The following USP47 variants were observed in gnomAD, a reference collection of about 807,000 sequenced individuals.
USP47 encodes ubiquitin carboxyl-terminal hydrolase 47.
In USP47, 35 loss-of-function variants were observed where a neutral mutation model predicts 165.1. That is an observed-to-expected ratio of 0.21 (90% CI 0.16 to 0.28). The LOEUF (loss-of-function observed/expected upper bound fraction) is 0.28. USP47 is among the 10% of genes least tolerant of loss of function. The pLI is 1.00. For synonymous variants in USP47, 531 were observed against 544.5 expected, an observed-to-expected ratio of 0.98 and a Z score of 0.35; for missense variants, 1,277 against 1,607.4, an observed-to-expected ratio of 0.79 and a Z score of 3.52.
At chr11:11,878,066 TATAAC>T (rs1275988457) in intron 1 of USP47, among the ~76,000 whole-genome samples, 1 of 152,100 alleles carries the variant, frequency 6.6e-6, no homozygotes, top group Non-Finnish European at 1.5e-5. Context: ...TTTTTTTCTG[TATAAC>T]ATATTTAGTC....
At position 11,871,501 on chromosome 11, in the gene USP47, C is replaced by CAAAAAAA. The variant is rs71037046; in HGVS notation, c.40-8645_40-8639dup. Among the ~76,000 whole-genome samples, 144 of 63,152 alleles carry CAAAAAAA rather than the reference C, an allele frequency of 2.3e-3. 21 individuals carry two copies. Among genetic ancestry groups the CAAAAAAA allele is most frequent in the Non-Finnish European group, 3.6e-3 (106 of 29,782 alleles). 41.4% of individuals were successfully genotyped at this position (63,152 alleles called of 152,430 possible). On this transcript the variant is annotated intron_variant, in intron 1 of 27. Coordinates refer to ENST00000527733, the MANE Select transcript of USP47 (RefSeq NM_001282659.2). ...CTGGCAACAGAGCGAAACTCCCTCT[C>CAAAAAAA]AAAAAAAAAAAAAAAAAAAAAAAAA...
chr11:11,850,006 A>T (rs1162496379), intron 1 of USP47, among the ~76,000 whole-genome samples: 2 of 152,212 alleles, frequency 1.3e-5, no homozygotes, highest in East Asian at 3.9e-4. Context: ...ATCCTTTTCA[A>T]CTATTTTGAA....
chr11:11,912,649 A>T (rs531851527), intron 8 of USP47, among the ~76,000 whole-genome samples: 2 of 152,104 alleles, frequency 1.3e-5, no homozygotes, highest in African/African-American at 2.4e-5. Context: ...TCAAAAAAAA[A>T]GAAAGGAAGA....
In USP47 at chr11:11,957,628, T is replaced by C. The variant is rs1290446186; in HGVS notation, c.*1453T>C. On this transcript the variant is annotated 3_prime_UTR_variant, in exon 28 of 28. Coordinates refer to ENST00000527733, the MANE Select transcript of USP47 (RefSeq NM_001282659.2). ...ATGTGTATTGGATATCTCATTTCTA[T>C]GATAAAGGTATATTTACAGTAAAGT... 1 of 152,650 alleles carries C rather than the reference T, an allele frequency of 6.6e-6. No homozygotes were observed. The highest frequency in any genetic ancestry group is 1.5e-5 in the Non-Finnish European group (1 of 68,028). 9.5% of individuals were successfully genotyped at this position (152,650 alleles called of 1,614,324 possible). A position where few individuals can be genotyped will look rare whatever the true frequency, so the allele number is the denominator to read the frequency against.
intron 2 of USP47, among the ~76,000 whole-genome samples, chr11:11,883,728 C>T (rs1564863474): frequency 6.6e-6 from 1 of 152,162 alleles, no homozygotes; most frequent in Non-Finnish European, 1.5e-5. Context: ...TTTCCTCTCT[C>T]ATCCACCAGC....
In USP47 at chr11:11,933,768, C is replaced by G. The variant is rs1854850898; in HGVS notation, c.1765-63C>G. ...GTATTTTGACAATTAGGAATAAATGCTATCTACGGAAGAATTGAACTTTGG... is the reference window on the plus strand; with the variant it reads ...GTATTTTGACAATTAGGAATAAATGGTATCTACGGAAGAATTGAACTTTGG... On this transcript the variant is annotated intron_variant, in intron 15 of 27. Coordinates refer to ENST00000527733, the MANE Select transcript of USP47 (RefSeq NM_001282659.2). 5.4e-6 allele frequency: 6 copies of G among 1,110,678 alleles called. No individual in the cohort carries two copies. The Admixed American group carries it at 1.2e-4, about 23-fold the overall frequency. The allele number at this position is 1,110,678 out of a possible 1,614,324, so 68.8% of individuals were successfully genotyped here.
intron 10 of USP47, among the ~76,000 whole-genome samples, chr11:11,920,911 G>A (rs1853789096): frequency 6.6e-6 from 1 of 151,744 alleles, no homozygotes; most frequent in Non-Finnish European, 1.5e-5. Flanking sequence ...CAACTGAATA[G>A]CATGGGCTTA....
At chr11:11,898,264 T>A (rs911447201) in intron 5 of USP47, among the ~76,000 whole-genome samples, 1 of 152,160 alleles carries the variant, frequency 6.6e-6, no homozygotes, top group Non-Finnish European at 1.5e-5. Flanking sequence ...TATCCTATTA[T>A]GACACATTTA....
intron 7 of USP47, among the ~76,000 whole-genome samples, chr11:11,904,693 G>A (rs1007774429): frequency 1.3e-4 from 20 of 152,046 alleles, no homozygotes; most frequent in Admixed American, 9.8e-4. Flanking sequence ...GTTACCTACC[G>A]CCTTTGAGTC....
At chr11:11,930,216 G>A in intron 13 of USP47, 96 bp downstream of exon 13, 6 of 1,174,912 alleles carry the variant, frequency 5.1e-6, no homozygotes, top group Non-Finnish European at 7.3e-6. Flanking sequence ...AGGGATTGAG[G>A]AACTACAACC....
At chr11:11,873,233 GA>G (rs1309930473) in intron 1 of USP47, among the ~76,000 whole-genome samples, 1 of 152,066 alleles carries the variant, frequency 6.6e-6, no homozygotes, top group African/African-American at 2.4e-5. Context: ...AATATGTACA[GA>G]AAAAGTGTAG....
Position 11,949,896 on chromosome 11 carries a change from A to C in USP47, c.3356A>C (p.Lys1119Thr). 1.9e-6 allele frequency: 3 copies of C among 1,608,806 alleles called. No homozygotes were observed. Among genetic ancestry groups the C allele is most frequent in the Non-Finnish European group, 2.5e-6 (3 of 1,176,578 alleles). Reference sequence around the variant, plus strand: ...TTATGTTTATATTTCTAGCCATGCAAGTTTCTGCTAGATGCTGTGTTTGCT... The same window carrying C: ...TTATGTTTATATTTCTAGCCATGCACGTTTCTGCTAGATGCTGTGTTTGCT... ...QLLVNEQEPC[K>T]FLLDAVFAKG... The change falls in exon 23 of 28, where the codon AAG (lysine) becomes ACG (threonine). Residue 1119 changes from lysine to threonine, a missense_variant. By Grantham distance (78) the Lys-to-Thr change is moderately conservative. Coordinates refer to ENST00000527733, the MANE Select transcript of USP47 (RefSeq NM_001282659.2).
At chr11:11,861,235 C>T (rs994114394) in intron 1 of USP47, among the ~76,000 whole-genome samples, 5 of 152,152 alleles carry the variant, frequency 3.3e-5, no homozygotes, top group African/African-American at 9.7e-5. Context: ...GCTGGAATTA[C>T]AGGCATGTGC....
At chr11:11,934,553 C>T (rs968356214) in intron 16 of USP47, among the ~76,000 whole-genome samples, 1 of 151,948 alleles carries the variant, frequency 6.6e-6, no homozygotes. Context: ...GAAGAATATT[C>T]GAAGTAGAGT....
chr11:11,869,796 T>C (rs1326430879), intron 1 of USP47, among the ~76,000 whole-genome samples: 1 of 152,180 alleles, frequency 6.6e-6, no homozygotes, highest in African/African-American at 2.4e-5. Context: ...CCCTCATGAA[T>C]GGACAGGAGT....
At chr11:11,858,350 A>G (rs188631473) in intron 1 of USP47, among the ~76,000 whole-genome samples, 37 of 152,328 alleles carry the variant, frequency 2.4e-4, no homozygotes, top group Admixed American at 3.9e-4. Context: ...ATGAAAGGAC[A>G]TAAGTGAGAC....
At chr11:11,886,737 C>G (rs1053675647) in intron 3 of USP47, among the ~76,000 whole-genome samples, 3 of 152,104 alleles carry the variant, frequency 2.0e-5, no homozygotes, top group African/African-American at 7.2e-5. Flanking sequence ...TCAGGAAATG[C>G]AGAGAACCCC....
chr11:11,936,601 A>T (rs558005953), intron 17 of USP47, 91 bp downstream of exon 17: 1 of 1,061,932 alleles, frequency 9.4e-7, no homozygotes, highest in South Asian at 2.3e-5. Flanking sequence ...ACATAATTTA[A>T]ATTTTGTATA....
intron 8 of USP47, 131 bp from the exon 9 acceptor site, chr11:11,920,025 G>A: frequency 2.0e-5 from 11 of 562,100 alleles, no homozygotes; most frequent in Non-Finnish European, 3.1e-5. Context: ...AATTTTCCTT[G>A]GTACATTTTG....
Sources: allele counts gnomAD v4.1 joint callset (sites outside exome capture counted in the v4.1 genomes callset), GRCh38; gene constraint gnomAD v4.1.1; transcripts MANE v1.5; gene names NCBI Gene and HGNC (gene_info 2026-07-23, HGNC 2026-07-21).